NBEAL1: variants seen among roughly 807,000 people sequenced by gnomAD.
NBEAL1 encodes neurobeachin like 1, also known as neurobeachin-like protein 1.
A neutral mutation model predicts 351.3 loss-of-function variants in NBEAL1; 273 were observed. The observed-to-expected ratio is 0.78, with a 90% CI of 0.70 to 0.86. NBEAL1 has a LOEUF of 0.86. Among genes scored for constraint, NBEAL1 ranks in the 40% least tolerant of loss-of-function variants. The pLI is 0.00. For synonymous variants in NBEAL1, 1,050 were observed against 1,086.4 expected, an observed-to-expected ratio of 0.97 and a Z score of 0.66; for missense variants, 2,961 against 3,201.3, an observed-to-expected ratio of 0.92 and a Z score of 1.81.
chr2:203,187,048 G>A (rs1174660332), intron 44 of NBEAL1, among the ~76,000 whole-genome samples: 1 of 152,248 alleles, frequency 6.6e-6, no homozygotes, highest in African/African-American at 2.4e-5. Flanking sequence ...GTTGCCTTAG[G>A]CAATTTCTCA....
At chr2:203,146,781 G>C (rs1357022603) in intron 33 of NBEAL1, among the ~76,000 whole-genome samples, 2 of 151,740 alleles carry the variant, frequency 1.3e-5, no homozygotes, top group Non-Finnish European at 2.9e-5. Context: ...TGAGCAGCAA[G>C]ACTCGGTCTC....
intron 36 of NBEAL1, among the ~76,000 whole-genome samples, chr2:203,160,545 G>C (rs770122299): frequency 1.7e-4 from 26 of 152,028 alleles, no homozygotes; most frequent in Non-Finnish European, 3.1e-4. Flanking sequence ...TTGAACATCA[G>C]AGGTCCCCCA....
At chr2:203,186,558 G>C (rs2064902772) in intron 44 of NBEAL1, among the ~76,000 whole-genome samples, 1 of 151,980 alleles carries the variant, frequency 6.6e-6, no homozygotes, top group African/African-American at 2.4e-5. Flanking sequence ...GTTCTCAGTG[G>C]CTCTTGGTTC....
At chr2:203,208,779 T>A in intron 52 of NBEAL1, 26 bp downstream of exon 52, 1 of 1,491,956 alleles carries the variant, frequency 6.7e-7, no homozygotes, top group Non-Finnish European at 9.1e-7. Context: ...TAAGAAATAC[T>A]ATTTATTTTG....
intron 55 of NBEAL1, among the ~76,000 whole-genome samples, chr2:203,216,009 T>TAAAAA (rs60748031): frequency 8.0e-6 from 1 of 125,534 alleles, no homozygotes; most frequent in Non-Finnish European, 1.7e-5. Flanking sequence ...AAACCCTGTC[T>TAAAAA]AAAAAAAAAA....
At chr2:203,139,704 A>G (rs1188811640) in intron 31 of NBEAL1, among the ~76,000 whole-genome samples, 1 of 150,582 alleles carries the variant, frequency 6.6e-6, no homozygotes, top group Non-Finnish European at 1.5e-5. Context: ...AGCTGGGACT[A>G]CGGGTGCCTG....
At chr2:203,050,909 G>C (rs1397228650) in intron 4 of NBEAL1, among the ~76,000 whole-genome samples, 1 of 152,162 alleles carries the variant, frequency 6.6e-6, no homozygotes, top group Non-Finnish European at 1.5e-5. Context: ...AGAACCATTG[G>C]TTTATTGGTT....
intron 3 of NBEAL1, among the ~76,000 whole-genome samples, chr2:203,045,359 T>C (rs142263766): frequency 6.8e-4 from 104 of 152,312 alleles, no homozygotes; most frequent in African/African-American, 2.4e-3. Context: ...TCTGAATCTT[T>C]GTATATTATT....
At position 203,125,983 on chromosome 2, in the gene NBEAL1, G is replaced by T; in HGVS notation, c.2875G>T (p.Val959Phe). The stretch of plus-strand genomic sequence containing the variant: ...AGAGTCAAGACTAGAGAGAAACCTA[G>T]TTGCAACATTTATCTTAATTGTGAA... Reference protein sequence around the residue: ...ASESRLERNLVATFILIVKHF... With the variant: ...ASESRLERNLFATFILIVKHF... The change falls in exon 21 of 56, where the codon GTT (valine) becomes TTT (phenylalanine). Residue 959 changes from valine to phenylalanine, a missense_variant. Physicochemically the swap from Val to Phe is conservative, Grantham distance 50 (BLOSUM62 -1). Coordinates refer to ENST00000683969, the MANE Select transcript of NBEAL1 (RefSeq NM_001378026.1). 1 of 1,537,482 alleles carries T rather than the reference G, an allele frequency of 6.5e-7. No individual in the cohort carries two copies. Among genetic ancestry groups the T allele is most frequent in the Non-Finnish European group, 8.8e-7 (1 of 1,141,748 alleles).
chr2:203,195,383 G>A (rs1005316690), intron 47 of NBEAL1, among the ~76,000 whole-genome samples: 1 of 152,114 alleles, frequency 6.6e-6, no homozygotes, highest in African/African-American at 2.4e-5. Flanking sequence ...CATGTTTACT[G>A]AAATAGTTAT....
At chr2:203,136,376 A>T in intron 28 of NBEAL1, 124 bp downstream of exon 28, 1 of 873,260 alleles carries the variant, frequency 1.1e-6, no homozygotes, top group East Asian at 2.7e-5. Flanking sequence ...AAGTTTCATG[A>T]TCTAAGGTTT....
intron 51 of NBEAL1, 138 bp downstream of exon 51, chr2:203,202,919 C>T (rs2065441924): frequency 1.2e-5 from 7 of 590,874 alleles, no homozygotes; most frequent in Admixed American, 3.2e-5. Context: ...ACATTTTGTC[C>T]TGTTCAAATC....
intron 36 of NBEAL1, among the ~76,000 whole-genome samples, chr2:203,158,819 T>TG (rs1204568557): frequency 7.1e-6 from 1 of 140,420 alleles, no homozygotes; most frequent in Admixed American, 7.1e-5. Flanking sequence ...TGTAGGGTTT[T>TG]TTTTTTTTTT....
In NBEAL1 at chr2:203,041,703, G is replaced by A. The variant is rs931971586; in HGVS notation, c.52-62G>A. On this transcript the variant is annotated intron_variant, in intron 2 of 55. Coordinates refer to ENST00000683969, the MANE Select transcript of NBEAL1 (RefSeq NM_001378026.1). ...TTCTTTAGGTATCTGCTTAATAGGT[G>A]TAGAAGCATTTTTTTTTTCCTGATA... is the stretch of plus-strand genomic sequence containing the variant. The A allele has an allele frequency of 1.1e-5, 13 of 1,137,342 alleles. No individual in the cohort carries two copies. In the African/African-American group the frequency reaches 1.3e-4, roughly 11 times the overall value. The allele number at this position is 1,137,342 out of a possible 1,614,324, so 70.5% of individuals were successfully genotyped here. A position where few individuals can be genotyped will look rare whatever the true frequency, so the allele number is the denominator to read the frequency against.
At chr2:203,048,321 G>C (rs1203341128) in intron 3 of NBEAL1, among the ~76,000 whole-genome samples, 1 of 147,828 alleles carries the variant, frequency 6.8e-6, no homozygotes, top group Non-Finnish European at 1.5e-5. Context: ...GGCGGAGGTT[G>C]CAGTGAGCTG....
chr2:203,049,903 T>C lies in NBEAL1; in HGVS notation c.233T>C (p.Met78Thr), dbSNP rs1559331544. 3 of 1,557,142 alleles carry C rather than the reference T, an allele frequency of 1.9e-6. No homozygotes were observed. The highest frequency in any genetic ancestry group is 1.7e-6 in the Non-Finnish European group (2 of 1,148,628). Residue 78 changes from methionine (M) to threonine (T), a missense_variant, in exon 4 of 56, where the codon ATG becomes ACG. Transcript: ENST00000683969. The stretch of plus-strand genomic sequence containing the variant: ...CAGCTTCTACAGTGTGTTCAGAAAA[T>C]GGCAGATGGGTTAGAGGAACAACAG... ...RIQLLQCVQK[M>T]ADGLEEQQQA...
chr2:203,190,610 A>G, intron 46 of NBEAL1: 2 of 501,170 alleles, frequency 4.0e-6, no homozygotes, highest in Non-Finnish European at 6.2e-6. Flanking sequence ...CTCATTCCAC[A>G]TGTAAAACTT....
intron 15 of NBEAL1, 62 bp downstream of exon 15, chr2:203,110,344 C>G: frequency 6.7e-7 from 1 of 1,492,530 alleles, no homozygotes. Context: ...CCACCATTGT[C>G]ATAAATTCAA....
At chr2:203,162,726 C>CA (rs2064006017) in intron 36 of NBEAL1, among the ~76,000 whole-genome samples, 1 of 152,048 alleles carries the variant, frequency 6.6e-6, no homozygotes, top group Non-Finnish European at 1.5e-5. Context: ...TTTTCTCTAA[C>CA]AAAAATATAT....
Sources: allele counts gnomAD v4.1 joint callset (sites outside exome capture counted in the v4.1 genomes callset), GRCh38; gene constraint gnomAD v4.1.1; transcripts MANE v1.5; gene names NCBI Gene and HGNC (gene_info 2026-07-23, HGNC 2026-07-21).